Variants in DRC9 observed in about 807,000 individuals in gnomAD.
DRC9 encodes the protein dynein regulatory complex subunit 9.
chr3:197,913,005 C>T, the DRC9 span: 3 of 434,712 alleles, frequency 6.9e-6, no homozygotes, highest in South Asian at 5.3e-5. Flanking sequence ...AGGACAGAAA[C>T]GGCGCTCCAA....
the DRC9 span, among the ~76,000 whole-genome samples, chr3:197,919,479 G>A: frequency 5.9e-5 from 9 of 152,322 alleles, no homozygotes; most frequent in Admixed American, 2.0e-4. Context: ...TGTCCATGGT[G>A]TCGGGAACCT....
chr3:197,894,297 T>G, the DRC9 span, among the ~76,000 whole-genome samples: 222 of 152,304 alleles, frequency 1.5e-3, no homozygotes, highest in African/African-American at 5.2e-3. Flanking sequence ...CCACCCACAA[T>G]GCGCATATAT....
chr3:197,929,897 C>T, the DRC9 span, among the ~76,000 whole-genome samples: 1 of 151,890 alleles, frequency 6.6e-6, no homozygotes, highest in East Asian at 1.9e-4. This position sits in a 1 kb window ranked among gnomAD's most constrained non-coding sequence, Gnocchi z 4.6. Flanking sequence ...GGCGGATGAA[C>T]TCTAGCATGG....
chr3:197,889,532 TCCTTCC>T, the DRC9 span: 1 of 1,611,248 alleles, frequency 6.2e-7, no homozygotes, highest in East Asian at 2.2e-5. Context: ...TCTCTCCAAG[TCCTTCC>T]CACCTCCAGA....
the DRC9 span, among the ~76,000 whole-genome samples, chr3:197,907,824 C>T: frequency 6.7e-6 from 1 of 149,822 alleles, no homozygotes; most frequent in Non-Finnish European, 1.5e-5. Context: ...ACAGGGGTGA[C>T]TGTACCAGGT....
chr3:197,912,504 A>T, the DRC9 span: 1 of 570,176 alleles, frequency 1.8e-6, no homozygotes, highest in Non-Finnish European at 3.1e-6. Context: ...CTCAAATTAC[A>T]GCTATATAAG....
At chr3:197,906,695 C>T in the DRC9 span, 8 of 152,204 alleles carry the variant, frequency 5.3e-5, no homozygotes, top group African/African-American at 4.8e-5. Context: ...CTGAGTAGGG[C>T]CTAGAGGGAG....
the DRC9 span, chr3:197,892,711 T>C: frequency 1.2e-6 from 2 of 1,614,204 alleles, no homozygotes; most frequent in Non-Finnish European, 1.7e-6. Flanking sequence ...TTCATTTCTG[T>C]GTCCTTATCG....
chr3:197,927,987 T>C, the DRC9 span, among the ~76,000 whole-genome samples: 2 of 151,962 alleles, frequency 1.3e-5, no homozygotes, highest in Non-Finnish European at 2.9e-5. Context: ...GGGAGAGCAT[T>C]AGGAGAAATA....
At chr3:197,934,332 G>A in the DRC9 span, among the ~76,000 whole-genome samples, 1 of 151,858 alleles carries the variant, frequency 6.6e-6, no homozygotes, top group Non-Finnish European at 1.5e-5. Flanking sequence ...TTACAGGCAC[G>A]TGCCACCACA....
the DRC9 span, among the ~76,000 whole-genome samples, chr3:197,940,668 C>T: frequency 5.9e-5 from 9 of 152,084 alleles, no homozygotes; most frequent in Non-Finnish European, 1.0e-4. Flanking sequence ...CAGCCTAGGC[C>T]CTACAGGGCA....
chr3:197,908,357 G>C, the DRC9 span, among the ~76,000 whole-genome samples: 6 of 144,306 alleles, frequency 4.2e-5, no homozygotes, highest in African/African-American at 1.3e-4. Context: ...GTTATCACAG[G>C]GGTGACTGTA....
chr3:197,957,643 T>C, the DRC9 span: 1 of 152,124 alleles, frequency 6.6e-6, no homozygotes, highest in African/African-American at 2.4e-5. Flanking sequence ...TGAGCAGTAC[T>C]TCAAGGCCGG....
At chr3:197,935,957 T>A in the DRC9 span, among the ~76,000 whole-genome samples, 1 of 152,058 alleles carries the variant, frequency 6.6e-6, no homozygotes, top group Non-Finnish European at 1.5e-5. Flanking sequence ...TTAAGATGTT[T>A]AGATTTGTGG....
At chr3:197,946,317 C>T in the DRC9 span, among the ~76,000 whole-genome samples, 6 of 151,672 alleles carry the variant, frequency 4.0e-5, no homozygotes, top group South Asian at 2.1e-4. Flanking sequence ...TGCCTGTAGT[C>T]CCAGCTACTC....
At chr3:197,947,618 C>A in the DRC9 span, among the ~76,000 whole-genome samples, 1 of 152,194 alleles carries the variant, frequency 6.6e-6, no homozygotes, top group Non-Finnish European at 1.5e-5. Context: ...TGACCCATCA[C>A]CAGCTTAAGA....
chr3:197,892,604 T>C, the DRC9 span: 1 of 1,612,980 alleles, frequency 6.2e-7, no homozygotes. Context: ...CTGTCCTCAG[T>C]GAGCGCCCTA....
At chr3:197,938,809 AT>A in the DRC9 span, 5 of 1,519,338 alleles carry the variant, frequency 3.3e-6, no homozygotes, top group Admixed American at 1.7e-5. Context: ...ATTAGAAAGA[AT>A]TTTTTTAAAG....
chr3:197,926,016 A>T, the DRC9 span: 1 of 1,495,404 alleles, frequency 6.7e-7, no homozygotes, highest in South Asian at 1.1e-5. Context: ...TAAGCAGGTA[A>T]TTCTTACCTG....
Sources: gnomAD v4.1 joint callset for allele counts (sites outside exome capture counted in the v4.1 genomes callset) on GRCh38, gnomAD v4.1.1 for gene constraint, Gnocchi (gnomAD v3.1) non-coding constraint, MANE v1.5 for transcripts, NCBI Gene and HGNC (gene_info 2026-07-23, HGNC 2026-07-21) for gene names.